The following CWH43 variants were observed in gnomAD, a reference collection of about 807,000 sequenced individuals.
CWH43 encodes the protein cell wall biogenesis 43 C-terminal homolog.
A neutral mutation model predicts 85.7 loss-of-function variants in CWH43; 91 were observed. The observed-to-expected ratio is 1.06, with a 90% CI of 0.90 to 1.26. The LOEUF (loss-of-function observed/expected upper bound fraction) is 1.26, where lower values mean the gene tolerates loss of function less well. CWH43 is among the 50% of genes most tolerant of loss of function. The pLI, the probability that CWH43 is intolerant of heterozygous loss-of-function variation, is 0.00. For missense variants in CWH43, 869 were observed against 839.2 expected, an observed-to-expected ratio of 1.04 and a Z score of -0.44; for synonymous variants, 323 against 293.6, an observed-to-expected ratio of 1.10 and a Z score of -1.02.
At chr4:49,028,424 C>A (rs959615302) in intron 9 of CWH43, among the ~76,000 whole-genome samples, 1 of 152,168 alleles carries the variant, frequency 6.6e-6, no homozygotes, top group African/African-American at 2.4e-5. Context: ...AACTTCCAAA[C>A]TTAAGCTAGA....
chr4:48,994,424 G>A (rs1782748395), intron 4 of CWH43, among the ~76,000 whole-genome samples, 195 bp from the exon 5 acceptor site: 1 of 152,168 alleles, frequency 6.6e-6, no homozygotes, highest in South Asian at 2.1e-4. Flanking sequence ...TATCTGGCCT[G>A]CATGGAATTA....
chr4:49,046,038 C>T (rs140816050), intron 14 of CWH43, among the ~76,000 whole-genome samples: 27 of 152,166 alleles, frequency 1.8e-4, no homozygotes, highest in African/African-American at 6.3e-4. Context: ...TGCTGGTAAC[C>T]ACTATTCTAC....
In CWH43 at chr4:49,050,794, C is replaced by A. The variant is rs760772228; in HGVS notation, c.1966C>A (p.Gln656Lys). ...TGACCCCACTAATTATAGAGACAAC[C>A]AGAAAGTGGTCATAGACCACAGAGA... ...PDDPTNYRDN[Q>K]KVVIDHREVS... The change falls in exon 15 of 16, where the codon CAG becomes AAG. Residue 656 changes from glutamine to lysine, a missense_variant. Physicochemically the swap from Gln to Lys is moderately conservative, Grantham distance 53 (BLOSUM62 1). Around this residue, in one of 3 missense-constraint regions of CWH43, gnomAD observed 577 missense variants for 513.1 expected, o/e 1.12. Transcript: ENST00000226432. 3.7e-6 allele frequency: 6 copies of A among 1,612,310 alleles called. No individual in the cohort carries two copies. The highest frequency in any genetic ancestry group is 3.3e-5 in the Admixed American group (2 of 59,930).
At chr4:49,044,399 C>T (rs1334107552) in intron 13 of CWH43, among the ~76,000 whole-genome samples, 2 of 152,144 alleles carry the variant, frequency 1.3e-5, no homozygotes, top group African/African-American at 2.4e-5. Flanking sequence ...AGATACCTGG[C>T]ACGATGGCAT....
In CWH43 at chr4:49,016,770, T is replaced by C. The variant is rs186593112; in HGVS notation, c.1187-479T>C. The C allele has an allele frequency of 5.0e-3, 3,850 of 777,224 alleles. 24 individuals carry two copies. Among genetic ancestry groups the C allele is most frequent in the Non-Finnish European group, 5.0e-3 (2,086 of 417,570 alleles). 48.1% of individuals were successfully genotyped at this position (777,224 alleles called of 1,614,324 possible). On this transcript the variant is annotated intron_variant, in intron 8 of 15. Coordinates refer to ENST00000226432, the MANE Select transcript of CWH43 (RefSeq NM_025087.3). ...GCCAGCTTCCCTTGCATCTAGCTTC[T>C]TCCCAATGCAGGTGATTACTCCAAG...
chr4:49,001,295 T>C (rs2109757282), intron 6 of CWH43, among the ~76,000 whole-genome samples: 1 of 152,314 alleles, frequency 6.6e-6, no homozygotes, highest in Non-Finnish European at 1.5e-5. Flanking sequence ...ACTTCATTTA[T>C]TGAAAACTTA....
Position 48,992,091 on chromosome 4 carries a change from G to A in CWH43, c.511+1G>A. ...GCCACACTTGATCGTATTGGCACAG[G>A]TAATACTGTAACTTAGGAATTTTCT... On this transcript the variant is annotated splice_donor_variant, in intron 4 of 15. Transcript: ENST00000226432. LOFTEE classifies it high-confidence loss of function. This position sits in a 1 kb window ranked among gnomAD's most constrained non-coding sequence, Gnocchi z 4.3. The A allele has an allele frequency of 1.9e-6, 3 of 1,607,820 alleles. No individual in the cohort carries two copies. Among genetic ancestry groups the A allele is most frequent in the South Asian group, 2.2e-5 (2 of 90,478 alleles).
chr4:49,025,782 G>T (rs929221863), intron 9 of CWH43, among the ~76,000 whole-genome samples: 1 of 152,140 alleles, frequency 6.6e-6, no homozygotes, highest in African/African-American at 2.4e-5. Flanking sequence ...ACTCTGAGAG[G>T]GTCATTGGTT....
intron 15 of CWH43, 57 bp downstream of exon 15, chr4:49,050,906 C>T (rs1784772658): frequency 8.3e-7 from 1 of 1,205,284 alleles, no homozygotes; most frequent in East Asian, 2.4e-5. Flanking sequence ...TCTATGGAAC[C>T]TACATATTAC....
intron 9 of CWH43, among the ~76,000 whole-genome samples, chr4:49,018,069 A>T (rs956541778): frequency 1.3e-5 from 2 of 151,554 alleles, no homozygotes; most frequent in African/African-American, 4.9e-5. Context: ...TGATTTCCTG[A>T]CCTTGTGATC....
chr4:49,020,416 C>CACACACACACATATAT lies in CWH43; in HGVS notation c.1266+3089_1266+3090insCACACACACATATATA, dbSNP rs140534523. ...ACACACACACACACACACACACACA[C>CACACACACACATATAT]ATATATATATATAAATCATATTTTC... On this transcript the variant is annotated intron_variant, in intron 9 of 15. Coordinates refer to ENST00000226432, the MANE Select transcript of CWH43 (RefSeq NM_025087.3). 1.9e-3 allele frequency among the ~76,000 whole-genome samples: 242 copies of CACACACACACATATAT among 128,382 alleles called. 4 individuals carry two copies. Among genetic ancestry groups the CACACACACACATATAT allele is most frequent in the Admixed American group, 7.7e-3 (85 of 11,052 alleles). 84.2% of individuals were successfully genotyped at this position (128,382 alleles called of 152,430 possible).
chr4:49,015,481 T>C (rs1783516848), intron 8 of CWH43, among the ~76,000 whole-genome samples: 1 of 152,178 alleles, frequency 6.6e-6, no homozygotes. Context: ...GATTTTTCTG[T>C]GTTTTGGTGT....
chr4:49,009,364 G>A (rs1783275711), intron 8 of CWH43, among the ~76,000 whole-genome samples: 1 of 152,188 alleles, frequency 6.6e-6, no homozygotes, highest in African/African-American at 2.4e-5. Flanking sequence ...ATCAGCTTAA[G>A]GAGATTTTGG....
chr4:49,032,469 A>G, intron 11 of CWH43, 97 bp from the exon 12 acceptor site: 1 of 1,321,160 alleles, frequency 7.6e-7, no homozygotes, highest in Non-Finnish European at 1.1e-6. Flanking sequence ...GGATGTGTGC[A>G]GTGGGACACA....
At chr4:49,008,889 A>T (rs1325405150) in intron 8 of CWH43, among the ~76,000 whole-genome samples, 4 of 152,174 alleles carry the variant, frequency 2.6e-5, no homozygotes, top group Non-Finnish European at 5.9e-5. Context: ...CTTGTAGTAT[A>T]GTTTGAAGTC....
chr4:49,060,984 A>C (rs1785140582), intron 15 of CWH43, among the ~76,000 whole-genome samples: 1 of 152,208 alleles, frequency 6.6e-6, no homozygotes, highest in Non-Finnish European at 1.5e-5. Context: ...TTCATTCCAT[A>C]ATAAAGTATT....
chr4:48,988,735 C>A, intron 2 of CWH43, 67 bp downstream of exon 2: 1 of 978,230 alleles, frequency 1.0e-6, no homozygotes, highest in Non-Finnish European at 1.5e-6. Context: ...ATTATGTAGA[C>A]TGTTCTTTGA....
At chr4:49,033,426 C>T (rs1784163881) in intron 12 of CWH43, among the ~76,000 whole-genome samples, 1 of 152,094 alleles carries the variant, frequency 6.6e-6, no homozygotes, top group Non-Finnish European at 1.5e-5. Context: ...GTGGGCCTAC[C>T]CTGCTTGCCC....
intron 12 of CWH43, among the ~76,000 whole-genome samples, chr4:49,035,295 G>C (rs1263852528): frequency 2.6e-5 from 4 of 152,158 alleles, no homozygotes; most frequent in Non-Finnish European, 5.9e-5. Context: ...GATTCAACAA[G>C]ATTTTAAAAA....
Sources: gnomAD v4.1 joint callset for allele counts (sites outside exome capture counted in the v4.1 genomes callset) on GRCh38, gnomAD v4.1.1 for gene constraint, gnomAD v4.1.1 regional missense constraint, Gnocchi (gnomAD v3.1) non-coding constraint, MANE v1.5 for transcripts, NCBI Gene and HGNC (gene_info 2026-07-23, HGNC 2026-07-21) for gene names.